NXPE4: variants seen among roughly 807,000 people sequenced by gnomAD.
NXPE4 encodes neurexophilin and PC-esterase domain family member 4.
NXPE4 carries 42 observed loss-of-function variants against 33.3 expected under a neutral mutation model. That is an observed-to-expected ratio of 1.26 (90% CI 0.98 to 1.63). The LOEUF is 1.63. Ranked by LOEUF, NXPE4 falls within the 40% of genes most tolerant of loss-of-function variation. The probability of loss-of-function intolerance (pLI) is 0.00; values close to 1 mark genes in which losing one functional copy is unlikely to be tolerated. For synonymous variants in NXPE4, 253 were observed against 234.9 expected (o/e 1.08, Z -0.71); for missense variants, 709 against 647.6 (o/e 1.09, Z -1.03).
intron 2 of NXPE4, among the ~76,000 whole-genome samples, chr11:114,585,845 C>A (rs768233519): frequency 6.6e-6 from 1 of 152,092 alleles, no homozygotes; most frequent in East Asian, 1.9e-4. Flanking sequence ...TGAATGCTGG[C>A]GGCTGTGTCA....
the NXPE4 span, among the ~76,000 whole-genome samples, chr11:114,651,527 G>A: frequency 6.6e-6 from 1 of 152,216 alleles, no homozygotes; most frequent in South Asian, 2.1e-4. Context: ...GCATGGAAGA[G>A]AATCCGAAAA....
At chr11:114,613,617 C>T in the NXPE4 span, among the ~76,000 whole-genome samples, 4 of 151,946 alleles carry the variant, frequency 2.6e-5, no homozygotes, top group African/African-American at 9.7e-5. Flanking sequence ...CATGGGTAAC[C>T]ACTGTTACAC....
chr11:114,604,495 T>G, the NXPE4 span, among the ~76,000 whole-genome samples: 3 of 152,150 alleles, frequency 2.0e-5, no homozygotes, highest in African/African-American at 7.2e-5. Flanking sequence ...GGATAATAAG[T>G]GTTGCCTCTT....
chr11:114,633,454 TTC>T, the NXPE4 span, among the ~76,000 whole-genome samples: 18 of 147,204 alleles, frequency 1.2e-4, no homozygotes, highest in Non-Finnish European at 2.5e-4. Flanking sequence ...TGTATATTTT[TTC>T]TTTTTTTTAT....
the NXPE4 span, among the ~76,000 whole-genome samples, chr11:114,625,622 G>A: frequency 6.6e-6 from 1 of 152,144 alleles, no homozygotes; most frequent in Non-Finnish European, 1.5e-5. Context: ...TTGCCTCGTG[G>A]GTAACTGCTG....
rs1364997585 is a variant in NXPE4 at position 114,570,755 on chromosome 11, T to C, written c.*183A>G. 1 of 511,220 alleles carries C rather than the reference T, an allele frequency of 2.0e-6. No homozygotes were observed. The highest frequency in any genetic ancestry group is 3.4e-6 in the Non-Finnish European group (1 of 293,064). The allele number at this position is 511,220 out of a possible 1,614,324, so 31.7% of individuals were successfully genotyped here. On this transcript the variant is annotated 3_prime_UTR_variant, in exon 6 of 6. Transcript: ENST00000375478. Reference sequence around the variant, plus strand: ...TCATGAGTATTTTTAGTTTTATTTTTAAGTGGAAGCCCAGATTAGAAACAT... The same window carrying C: ...TCATGAGTATTTTTAGTTTTATTTTCAAGTGGAAGCCCAGATTAGAAACAT...
chr11:114,655,830 C>T, the NXPE4 span, among the ~76,000 whole-genome samples: 6 of 152,242 alleles, frequency 3.9e-5, no homozygotes, highest in East Asian at 3.9e-4. Context: ...ATGACAAACC[C>T]ACAGCCAATA....
chr11:114,607,962 A>G, the NXPE4 span, among the ~76,000 whole-genome samples: 2 of 151,894 alleles, frequency 1.3e-5, no homozygotes, highest in African/African-American at 2.4e-5. Flanking sequence ...CCAGTGGATA[A>G]TAAGTGTTGC....
At chr11:114,638,215 C>G in the NXPE4 span, among the ~76,000 whole-genome samples, 4 of 152,080 alleles carry the variant, frequency 2.6e-5, no homozygotes, top group South Asian at 8.3e-4. Context: ...TCATTCATTT[C>G]GTCTTTCATC....
At chr11:114,572,447 C>T (rs1435169986) in intron 5 of NXPE4, among the ~76,000 whole-genome samples, 1 of 151,632 alleles carries the variant, frequency 6.6e-6, no homozygotes, top group Non-Finnish European at 1.5e-5. Flanking sequence ...AAGGTGAAGT[C>T]CAACTTAAAT....
the NXPE4 span, among the ~76,000 whole-genome samples, chr11:114,655,874 A>G: frequency 6.6e-6 from 1 of 152,290 alleles, no homozygotes; most frequent in South Asian, 2.1e-4. Flanking sequence ...ATTCCCTTCA[A>G]GGATGCCCTC....
the NXPE4 span, among the ~76,000 whole-genome samples, chr11:114,607,034 G>C: frequency 6.6e-6 from 1 of 151,998 alleles, no homozygotes; most frequent in South Asian, 2.1e-4. Flanking sequence ...CGGTTACCCA[G>C]TGGATAATAA....
At chr11:114,626,087 C>T in the NXPE4 span, among the ~76,000 whole-genome samples, 31 of 152,212 alleles carry the variant, frequency 2.0e-4, no homozygotes, top group Middle Eastern at 3.4e-3. Context: ...AAGGCGGCAG[C>T]GAGGCTGGGA....
chr11:114,577,733 C>A (rs1415202304), intron 5 of NXPE4, among the ~76,000 whole-genome samples: 1 of 152,038 alleles, frequency 6.6e-6, no homozygotes, highest in Non-Finnish European at 1.5e-5. Flanking sequence ...GTAGACTAAG[C>A]TCATTTGAGG....
At chr11:114,640,048 AATAT>A in the NXPE4 span, among the ~76,000 whole-genome samples, 1 of 119,178 alleles carries the variant, frequency 8.4e-6, no homozygotes, top group Admixed American at 9.9e-5. Flanking sequence ...ATTATTTTAT[AATAT>A]ATAATTTATT....
At chr11:114,641,300 TA>T in the NXPE4 span, among the ~76,000 whole-genome samples, 3 of 151,884 alleles carry the variant, frequency 2.0e-5, no homozygotes, top group African/African-American at 7.2e-5. Flanking sequence ...AAAGGTAGTG[TA>T]AAAAATCCAG....
the NXPE4 span, among the ~76,000 whole-genome samples, chr11:114,620,448 G>A: frequency 7.3e-4 from 111 of 151,160 alleles, no homozygotes; most frequent in African/African-American, 2.6e-3. Context: ...TACCCAGTGG[G>A]TATTAATTGT....
At chr11:114,639,583 T>C in the NXPE4 span, among the ~76,000 whole-genome samples, 4 of 150,664 alleles carry the variant, frequency 2.7e-5, no homozygotes, top group African/African-American at 9.7e-5. Context: ...AGCTGTAGAC[T>C]GGAGCTGTTC....
At chr11:114,671,570 C>A in the NXPE4 span, among the ~76,000 whole-genome samples, 1 of 151,840 alleles carries the variant, frequency 6.6e-6, no homozygotes, top group Non-Finnish European at 1.5e-5. Flanking sequence ...ACCAGGTAAC[C>A]ACAATAAGAC....
Sources: gnomAD v4.1 joint callset for allele counts (sites outside exome capture counted in the v4.1 genomes callset) on GRCh38, gnomAD v4.1.1 for gene constraint, MANE v1.5 for transcripts, NCBI Gene and HGNC (gene_info 2026-07-23, HGNC 2026-07-21) for gene names.